ANO2: variants seen among roughly 807,000 people sequenced by gnomAD.
ANO2 encodes the protein anoctamin-2.
In ANO2, 101 loss-of-function variants were observed where a neutral mutation model predicts 124.2. The observed-to-expected ratio is 0.81, with a 90% CI of 0.69 to 0.96. The LOEUF (loss-of-function observed/expected upper bound fraction) is 0.96. ANO2 is among the 40% of genes least tolerant of loss of function. The probability of loss-of-function intolerance (pLI) is 0.00; values close to 1 mark genes in which losing one functional copy is unlikely to be tolerated. For missense variants in ANO2, 1,293 were observed against 1,274.5 expected, an observed-to-expected ratio of 1.01 and a Z score of -0.22; for synonymous variants, 486 against 482.5, an observed-to-expected ratio of 1.01 and a Z score of -0.09.
intron 22 of ANO2, 128 bp downstream of exon 22, chr12:5,577,827 A>G: frequency 3.4e-6 from 3 of 885,936 alleles, no homozygotes; most frequent in South Asian, 1.7e-5. Flanking sequence ...TAACCAGAGC[A>G]CTGTCACCAA....
intron 14 of ANO2, among the ~76,000 whole-genome samples, chr12:5,648,626 G>A (rs1014212042): frequency 6.6e-6 from 1 of 152,234 alleles, no homozygotes; most frequent in African/African-American, 2.4e-5. Flanking sequence ...TAATTAAACA[G>A]CTCTGCTGTA....
At chr12:5,591,681 C>T (rs575419711) in intron 20 of ANO2, among the ~76,000 whole-genome samples, 2 of 152,302 alleles carry the variant, frequency 1.3e-5, no homozygotes, top group South Asian at 2.1e-4. Context: ...TAGCACTGTT[C>T]ATCTCTAGGA....
At position 5,831,349 on chromosome 12, in the gene ANO2, G is replaced by A. The variant is rs117887535; in HGVS notation, c.786-860C>T. Reference sequence around the variant, plus strand: ...AGGAAGGTGTTGATGAACCAGTCTTGAAGGACAACAGAAGTAAAACGAACG... The same window carrying A: ...AGGAAGGTGTTGATGAACCAGTCTTAAAGGACAACAGAAGTAAAACGAACG... On this transcript the variant is annotated intron_variant, in intron 5 of 24. Coordinates refer to ENST00000682330, the MANE Select transcript of ANO2 (RefSeq NM_001364791.2). 5.5e-3 allele frequency among the ~76,000 whole-genome samples: 839 copies of A among 152,312 alleles called. 2 individuals are homozygous for A. Among genetic ancestry groups the A allele is most frequent in the Admixed American group, 8.0e-3 (123 of 15,300 alleles).
chr12:5,939,472 T>C (rs1235485251), intron 1 of ANO2, among the ~76,000 whole-genome samples: 3 of 152,128 alleles, frequency 2.0e-5, no homozygotes, highest in Non-Finnish European at 4.4e-5. Flanking sequence ...TTTGAGTATC[T>C]CTCCCCACCT....
At chr12:5,680,423 T>C (rs1948440819) in intron 14 of ANO2, among the ~76,000 whole-genome samples, 1 of 151,992 alleles carries the variant, frequency 6.6e-6, no homozygotes, top group Non-Finnish European at 1.5e-5. Flanking sequence ...CTGGAAACAT[T>C]GTTAAGTAAG....
intron 3 of ANO2, among the ~76,000 whole-genome samples, chr12:5,882,542 A>C (rs1379055420): frequency 1.3e-5 from 2 of 152,202 alleles, no homozygotes; most frequent in Non-Finnish European, 2.9e-5. Flanking sequence ...GGCTAGACAG[A>C]GGACATTCAT....
chr12:5,802,426 C>G (rs946811389), intron 9 of ANO2, among the ~76,000 whole-genome samples: 1 of 152,232 alleles, frequency 6.6e-6, no homozygotes, highest in Non-Finnish European at 1.5e-5. Context: ...AGCAATTACG[C>G]CTGGATGCCC....
chr12:5,728,769 G>T (rs1950533737), intron 14 of ANO2, among the ~76,000 whole-genome samples: 1 of 152,076 alleles, frequency 6.6e-6, no homozygotes, highest in Admixed American at 6.5e-5. Context: ...GTCAAGATAG[G>T]GTGGTACTAC....
At chr12:5,917,179 C>A (rs997982001) in intron 3 of ANO2, among the ~76,000 whole-genome samples, 3 of 152,102 alleles carry the variant, frequency 2.0e-5, no homozygotes, top group African/African-American at 7.2e-5. Flanking sequence ...TCCAAATTCC[C>A]AGCCAAAGCG....
intron 4 of ANO2, among the ~76,000 whole-genome samples, chr12:5,845,151 G>A (rs1175701505): frequency 6.6e-6 from 1 of 151,932 alleles, no homozygotes; most frequent in Non-Finnish European, 1.5e-5. Flanking sequence ...TATAGTCCCA[G>A]CTACTCAGGA....
At chr12:5,640,171 T>C (rs1946262423) in intron 15 of ANO2, among the ~76,000 whole-genome samples, 1 of 152,160 alleles carries the variant, frequency 6.6e-6, no homozygotes, top group Admixed American at 6.5e-5. Flanking sequence ...CATCACCCCA[T>C]GAAAAGCATT....
chr12:5,562,998 C>T lies in ANO2; in HGVS notation c.*301G>A, dbSNP rs1040317964. The T allele has an allele frequency of 2.3e-5, 9 of 387,544 alleles. No individual in the cohort carries two copies. Among genetic ancestry groups the T allele is most frequent in the South Asian group, 1.1e-4 (3 of 27,966 alleles). 24.0% of individuals were successfully genotyped at this position (387,544 alleles called of 1,614,324 possible). Reference sequence around the variant, plus strand: ...GTGCCCCAGGGTACATGGGAATGCTCGCGGTGCCTGAGACTCTGGGGTGGA... The same window carrying T: ...GTGCCCCAGGGTACATGGGAATGCTTGCGGTGCCTGAGACTCTGGGGTGGA... On this transcript the variant is annotated 3_prime_UTR_variant, in exon 25 of 25. Coordinates refer to ENST00000682330, the MANE Select transcript of ANO2 (RefSeq NM_001364791.2).
intron 14 of ANO2, among the ~76,000 whole-genome samples, chr12:5,652,316 C>T (rs1946951479): frequency 6.6e-6 from 1 of 152,078 alleles, no homozygotes; most frequent in Non-Finnish European, 1.5e-5. Context: ...AAAGGAGTTC[C>T]CATATACCCT....
chr12:5,801,307 G>T (rs116868858), intron 9 of ANO2, among the ~76,000 whole-genome samples: 1,844 of 152,278 alleles, frequency 0.012, 22 homozygotes, highest in South Asian at 0.035. Flanking sequence ...ATTCAGTAAA[G>T]GGTCATCATT....
intron 3 of ANO2, among the ~76,000 whole-genome samples, chr12:5,916,492 T>TAAAA (rs57056611): frequency 9.0e-4 from 84 of 93,150 alleles, no homozygotes; most frequent in African/African-American, 3.5e-3. Flanking sequence ...CGCAGCAGGT[T>TAAAA]AAAAAAAAAA....
intron 20 of ANO2, among the ~76,000 whole-genome samples, chr12:5,595,984 T>G (rs2136876367): frequency 6.6e-6 from 1 of 152,380 alleles, no homozygotes; most frequent in Non-Finnish European, 1.5e-5. Context: ...TGAATTGTTC[T>G]TATTCTTTCA....
chr12:5,921,395 A>G, intron 2 of ANO2, 29 bp from the exon 3 acceptor site: 1 of 1,603,014 alleles, frequency 6.2e-7, no homozygotes, highest in Non-Finnish European at 8.5e-7. Context: ...GAGGCAGGGC[A>G]AGGTCTGGTG....
intron 1 of ANO2, among the ~76,000 whole-genome samples, chr12:5,940,062 A>AATGG (rs200562212): frequency 0.016 from 2,414 of 151,588 alleles, 13 homozygotes; most frequent in African/African-American, 0.029. Context: ...TTTTTAAATC[A>AATGG]ATGGATGGAT....
At chr12:5,763,058 A>G (rs1951785140) in intron 10 of ANO2, among the ~76,000 whole-genome samples, 1 of 152,000 alleles carries the variant, frequency 6.6e-6, no homozygotes, top group South Asian at 2.1e-4. Context: ...TTTTGATACT[A>G]TTTACTCAAG....
Sources: gnomAD v4.1 joint callset for allele counts (sites outside exome capture counted in the v4.1 genomes callset) on GRCh38, gnomAD v4.1.1 for gene constraint, MANE v1.5 for transcripts, NCBI Gene and HGNC (gene_info 2026-07-23, HGNC 2026-07-21) for gene names.